Variants in SPINK5 observed in about 807,000 individuals in gnomAD.
SPINK5 encodes the protein serine peptidase inhibitor Kazal type 5.
Under a neutral mutation model 151.8 loss-of-function variants are expected in SPINK5, and 125 were observed. The ratio of observed to expected loss-of-function variants is 0.82; its 90% CI spans 0.71 to 0.96. SPINK5 has a LOEUF of 0.96. SPINK5 is among the 40% of genes least tolerant of loss of function. SPINK5 has a pLI of 0.00. For synonymous variants in SPINK5, 374 were observed against 395.3 expected, an observed-to-expected ratio of 0.95 and a Z score of 0.64; for missense variants, 1,194 against 1,291.9, an observed-to-expected ratio of 0.92 and a Z score of 1.16.
intron 16 of SPINK5, 140 bp from the exon 17 acceptor site, chr5:148,106,897 T>C: frequency 9.4e-7 from 1 of 1,061,686 alleles, no homozygotes; most frequent in Non-Finnish European, 1.4e-6. Flanking sequence ...ACGGAAGCTT[T>C]GTAAATACTT....
chr5:148,086,349 T>A, intron 4 of SPINK5, 56 bp from the exon 5 acceptor site: 1 of 1,597,074 alleles, frequency 6.3e-7, no homozygotes, highest in Non-Finnish European at 8.5e-7. Flanking sequence ...TATTTATACA[T>A]CTAAGGACTA....
At chr5:148,136,699 A>G (rs986809539) in intron 32 of SPINK5, among the ~76,000 whole-genome samples, 1 of 152,202 alleles carries the variant, frequency 6.6e-6, no homozygotes, top group African/African-American at 2.4e-5. Context: ...AAATGGTGCT[A>G]ATGACACCTA....
At chr5:148,092,172 T>C (rs1753329777) in intron 8 of SPINK5, among the ~76,000 whole-genome samples, 1 of 151,980 alleles carries the variant, frequency 6.6e-6, no homozygotes, top group Non-Finnish European at 1.5e-5. Flanking sequence ...GCACTCCTTT[T>C]TGCAGATCGT....
rs1167049583 is a variant in SPINK5, at chr5:148,072,182, C to CG, written c.244_245insG (p.His82ArgfsTer17). 6.2e-7 allele frequency: 1 copy of CG among 1,612,256 alleles called. No individual in the cohort carries two copies. Among genetic ancestry groups the CG allele is most frequent in the African/African-American group, 1.3e-5 (1 of 74,814 alleles). On this transcript the variant is annotated frameshift_variant, in exon 4 of 33. Coordinates refer to ENST00000256084, the MANE Select transcript of SPINK5 (RefSeq NM_006846.4). LOFTEE classifies it high-confidence loss of function. Reference sequence around the variant, plus strand: ...AGCAAAATCACAGAAGAGGGCCAGGCATTTAGCAAGAGCTCCCAAGGCTAC... The same window carrying CG: ...AGCAAAATCACAGAAGAGGGCCAGGCGATTTAGCAAGAGCTCCCAAGGCTAC...
intron 16 of SPINK5, among the ~76,000 whole-genome samples, chr5:148,105,202 G>C (rs1338979972): frequency 1.3e-5 from 2 of 152,056 alleles, no homozygotes; most frequent in Non-Finnish European, 2.9e-5. Flanking sequence ...CAAATTTTGA[G>C]GTTTATTTCA....
chr5:148,070,540 T>C, intron 3 of SPINK5, 90 bp downstream of exon 3: 1 of 1,551,884 alleles, frequency 6.4e-7, no homozygotes, highest in Non-Finnish European at 8.8e-7. Context: ...TTCAAGTGCA[T>C]TTTTCTAAAC....
intron 4 of SPINK5, among the ~76,000 whole-genome samples, chr5:148,077,198 AAAAAC>A (rs1323137656): frequency 2.0e-5 from 3 of 151,304 alleles, no homozygotes; most frequent in Admixed American, 6.6e-5. Context: ...AATAAAAAAA[AAAAAC>A]AAAGAGAAAA....
chr5:148,064,061 T>C lies in SPINK5; in HGVS notation c.17T>C (p.Val6Ala). Residue 6 changes from valine (V) to alanine (A), a missense_variant, in exon 1 of 33, where the codon GTG (valine) becomes GCG (alanine). Val to Ala is a moderately conservative substitution (Grantham distance 64). Coordinates refer to ENST00000256084, the MANE Select transcript of SPINK5 (RefSeq NM_006846.4). The part of the protein sequence containing the change: MKIAT[V>A]SVLLPLALCL... ...GTCTTCAACATGAAGATAGCCACAG[T>C]GTCAGTGCTTCTGCCCTTGGCTCTT... 2 of 1,614,182 alleles carry C rather than the reference T, an allele frequency of 1.2e-6. No homozygotes were observed. Among genetic ancestry groups the C allele is most frequent in the Non-Finnish European group, 1.7e-6 (2 of 1,180,022 alleles).
intron 2 of SPINK5, among the ~76,000 whole-genome samples, chr5:148,066,188 G>A (rs930527407): frequency 1.3e-5 from 2 of 152,140 alleles, no homozygotes; most frequent in Non-Finnish European, 2.9e-5. Flanking sequence ...CCTGACGCAA[G>A]AAGGTGCTTT....
chr5:148,079,775 G>A (rs1752971615), intron 4 of SPINK5, among the ~76,000 whole-genome samples: 2 of 151,272 alleles, frequency 1.3e-5, no homozygotes, highest in South Asian at 4.2e-4. Flanking sequence ...AAGAACGTCT[G>A]TGAAAAACCT....
intron 29 of SPINK5, 144 bp from the exon 30 acceptor site, chr5:148,126,839 G>A: frequency 3.2e-6 from 2 of 621,608 alleles, no homozygotes; most frequent in Non-Finnish European, 5.5e-6. Flanking sequence ...TGATTCGCCA[G>A]CCTGGGCCTT....
Position 148,123,825 on chromosome 5 carries a change from G to A in SPINK5, c.2539-8G>A. ...GACAGTAACAACTTTTTCTGCTACTGTTGGTAGGATCTGTGTCGTGAATTT... is the reference window on the plus strand; with the variant it reads ...GACAGTAACAACTTTTTCTGCTACTATTGGTAGGATCTGTGTCGTGAATTT... On this transcript the variant is annotated splice_region_variant and splice_polypyrimidine_tract_variant and intron_variant, in intron 26 of 32. Transcript: ENST00000256084. 1 of 1,613,846 alleles carries A rather than the reference G, an allele frequency of 6.2e-7. No homozygotes were observed. The highest frequency in any genetic ancestry group is 8.5e-7 in the Non-Finnish European group (1 of 1,179,960).
chr5:148,072,515 C>A (rs1301353380), intron 4 of SPINK5, among the ~76,000 whole-genome samples: 2 of 151,968 alleles, frequency 1.3e-5, no homozygotes, highest in Admixed American at 6.6e-5. Context: ...CTTGTCCTGT[C>A]TTAGCCCAAA....
intron 18 of SPINK5, among the ~76,000 whole-genome samples, chr5:148,110,860 G>T (rs1365124657): frequency 6.6e-6 from 1 of 151,590 alleles, no homozygotes; most frequent in Admixed American, 6.6e-5. Context: ...GCATGAGGGG[G>T]CTAAAAACCT....
At chr5:148,083,019 T>G (rs10059850) in intron 4 of SPINK5, among the ~76,000 whole-genome samples, 1 of 147,718 alleles carries the variant, frequency 6.8e-6, no homozygotes, top group Non-Finnish European at 1.5e-5. Context: ...TTCTGAGAAG[T>G]GTTTGCTTAA....
chr5:148,118,390 C>T (rs779829858), intron 22 of SPINK5, 47 bp from the exon 23 acceptor site: 2 of 1,612,604 alleles, frequency 1.2e-6, no homozygotes, highest in Admixed American at 1.7e-5. Flanking sequence ...ACTAAGAATA[C>T]AGTAGACTAA....
At position 148,101,385 on chromosome 5, in the gene SPINK5, G is replaced by C; in HGVS notation, c.1251G>C (p.Lys417Asn). 1 of 1,611,950 alleles carries C rather than the reference G, an allele frequency of 6.2e-7. No homozygotes were observed. Among genetic ancestry groups the C allele is most frequent in the Non-Finnish European group, 8.5e-7 (1 of 1,178,356 alleles). The change falls in exon 14 of 33, where the codon AAG (lysine) becomes AAC (asparagine). Residue 417 changes from lysine to asparagine, a missense_variant. Coordinates refer to ENST00000256084, the MANE Select transcript of SPINK5 (RefSeq NM_006846.4). Reference protein sequence around the residue: ...FQAEEEEKKKKEGKSRNKRQS... With the variant: ...FQAEEEEKKKNEGKSRNKRQS... The stretch of plus-strand genomic sequence containing the variant: ...CAGAAGAAGAAGAAAAGAAAAAGAA[G>C]GAAGGTAAATCAAGAAACAAAAGAC...
At chr5:148,110,935 A>G (rs896968012) in intron 18 of SPINK5, among the ~76,000 whole-genome samples, 1 of 152,096 alleles carries the variant, frequency 6.6e-6, no homozygotes, top group Admixed American at 6.6e-5. Flanking sequence ...ACAAACCTGC[A>G]TGCTCTGAAC....
intron 4 of SPINK5, among the ~76,000 whole-genome samples, chr5:148,082,300 T>A (rs1054041499): frequency 2.6e-5 from 4 of 151,214 alleles, no homozygotes; most frequent in African/African-American, 9.7e-5. Context: ...AATTTAATTT[T>A]TAAAAAATTT....
Sources: allele counts gnomAD v4.1 joint callset (sites outside exome capture counted in the v4.1 genomes callset), GRCh38; gene constraint gnomAD v4.1.1; transcripts MANE v1.5; gene names NCBI Gene and HGNC (gene_info 2026-07-23, HGNC 2026-07-21).